DCDC1: variants seen among roughly 807,000 people sequenced by gnomAD.
DCDC1 encodes doublecortin domain containing 1.
DCDC1 carries 200 observed loss-of-function variants against 178.3 expected under a neutral mutation model. That is an observed-to-expected ratio of 1.12 (90% CI 1.00 to 1.26). The LOEUF (loss-of-function observed/expected upper bound fraction) is 1.26. DCDC1 is among the 50% of genes most tolerant of loss of function. The probability of loss-of-function intolerance (pLI) is 0.00; values close to 1 mark genes in which losing one functional copy is unlikely to be tolerated. For missense variants in DCDC1, 1,983 were observed against 1,749.2 expected, an observed-to-expected ratio of 1.13 and a Z score of -2.38; for synonymous variants, 690 against 604.8, an observed-to-expected ratio of 1.14 and a Z score of -2.07.
intron 20 of DCDC1, among the ~76,000 whole-genome samples, chr11:30,972,490 G>A (rs1162605568): frequency 1.3e-5 from 2 of 152,046 alleles, no homozygotes; most frequent in Admixed American, 1.3e-4. Context: ...GGAAACAAGA[G>A]GATGATATCT....
At chr11:31,159,611 G>A (rs927164075) in intron 9 of DCDC1, among the ~76,000 whole-genome samples, 5 of 152,230 alleles carry the variant, frequency 3.3e-5, no homozygotes, top group Admixed American at 1.3e-4. Context: ...CAGGCAGTAA[G>A]TGTGAGCCAA....
intron 20 of DCDC1, among the ~76,000 whole-genome samples, chr11:30,958,177 C>T (rs1193717812): frequency 3.3e-5 from 5 of 152,100 alleles, no homozygotes; most frequent in Admixed American, 3.3e-4. Flanking sequence ...ACCTGCTGAT[C>T]AGAAGCCTCA....
At chr11:30,881,107 G>T in intron 37 of DCDC1, 51 bp downstream of exon 37, 1 of 1,595,006 alleles carries the variant, frequency 6.3e-7, no homozygotes. Flanking sequence ...AGAGAAGATT[G>T]AATGCTTTAA....
rs1377616974 is a variant in DCDC1, at chr11:30,864,372, C to G, written c.*1001G>C. 2 of 152,204 alleles carry G rather than the reference C, an allele frequency of 1.3e-5. No homozygotes were observed. The highest frequency in any genetic ancestry group is 4.8e-5 in the African/African-American group (2 of 41,430). The allele number at this position is 152,204 out of a possible 1,614,324, so 9.4% of individuals were successfully genotyped here. On this transcript the variant is annotated 3_prime_UTR_variant, in exon 39 of 39. Transcript: ENST00000684477. ...AAGGATATAAGATGTCTAGTTTATA[C>G]CATGACATTTCTTTCATTTGCACAA...
chr11:31,160,528 G>T (rs995555924), intron 9 of DCDC1, among the ~76,000 whole-genome samples: 1 of 151,810 alleles, frequency 6.6e-6, no homozygotes, highest in South Asian at 2.1e-4. Context: ...TCATCCCTTT[G>T]CATTAAAAAA....
At chr11:31,044,365 T>C (rs1323940900) in intron 20 of DCDC1, among the ~76,000 whole-genome samples, 5 of 151,028 alleles carry the variant, frequency 3.3e-5, no homozygotes, top group Non-Finnish European at 7.4e-5. Flanking sequence ...TAGTCCCAGC[T>C]GCTCAGGAGG....
At chr11:31,197,970 TTGATA>T (rs746923121) in intron 9 of DCDC1, among the ~76,000 whole-genome samples, 25 of 152,132 alleles carry the variant, frequency 1.6e-4, no homozygotes, top group Non-Finnish European at 2.9e-4. Flanking sequence ...TGAAAACTGG[TTGATA>T]TAAGTGCAAG....
chr11:31,266,329 T>C (rs1339809504), intron 7 of DCDC1, among the ~76,000 whole-genome samples: 2 of 152,128 alleles, frequency 1.3e-5, no homozygotes, highest in Admixed American at 6.5e-5. Flanking sequence ...GTGGCAATTA[T>C]CTTTCCAACT....
At chr11:31,305,113 T>C (rs1948367682) in intron 6 of DCDC1, among the ~76,000 whole-genome samples, 1 of 152,148 alleles carries the variant, frequency 6.6e-6, no homozygotes, top group African/African-American at 2.4e-5. Context: ...CTGGAACATT[T>C]CTTATGAAAT....
chr11:31,088,287 G>T (rs868570907), intron 17 of DCDC1, among the ~76,000 whole-genome samples: 2 of 151,934 alleles, frequency 1.3e-5, no homozygotes, highest in Admixed American at 1.3e-4. Flanking sequence ...ATTAAATGGG[G>T]TGTTTACATT....
intron 27 of DCDC1, among the ~76,000 whole-genome samples, chr11:30,911,981 T>C (rs1369339428): frequency 6.6e-6 from 1 of 152,182 alleles, no homozygotes; most frequent in Non-Finnish European, 1.5e-5. Context: ...AATGGAGTCT[T>C]TAAGAGGTGA....
At chr11:30,958,392 A>G (rs1948891883) in intron 20 of DCDC1, among the ~76,000 whole-genome samples, 1 of 152,164 alleles carries the variant, frequency 6.6e-6, no homozygotes, top group Admixed American at 6.6e-5. Context: ...TTGACCTGAT[A>G]TCACACACAA....
chr11:31,236,991 A>G (rs1976543400), intron 9 of DCDC1, among the ~76,000 whole-genome samples: 1 of 152,028 alleles, frequency 6.6e-6, no homozygotes, highest in African/African-American at 2.4e-5. Context: ...GGATCTGAAA[A>G]GACAAACTTC....
intron 32 of DCDC1, among the ~76,000 whole-genome samples, chr11:30,901,140 C>A (rs1944638451): frequency 6.6e-6 from 1 of 151,984 alleles, no homozygotes; most frequent in Non-Finnish European, 1.5e-5. Flanking sequence ...GTGAGAAATT[C>A]CATAGAAAAT....
intron 1 of DCDC1, among the ~76,000 whole-genome samples, chr11:31,362,023 C>T (rs1394706471): frequency 1.3e-5 from 2 of 152,140 alleles, no homozygotes; most frequent in African/African-American, 2.4e-5. Context: ...CACTTTCCTA[C>T]CTCTTCTTTT....
rs149245940 is a variant in DCDC1 at position 31,053,163 on chromosome 11, A to G, written c.2591+11306T>C. Among the ~76,000 whole-genome samples the G allele has an allele frequency of 4.3e-3, 651 of 152,262 alleles. 1 individual carries two copies. The highest frequency in any genetic ancestry group is 0.015 in the African/African-American group (620 of 41,570). ...CAAAACAAGAGACATTACAACTGAT[A>G]CCACTGAAATACAAGATTGTCCAAG... On this transcript the variant is annotated intron_variant, in intron 20 of 38. Coordinates refer to ENST00000684477, the MANE Select transcript of DCDC1 (RefSeq NM_001387274.1).
chr11:31,116,186 G>A (rs1416152111), intron 11 of DCDC1, among the ~76,000 whole-genome samples: 1 of 151,434 alleles, frequency 6.6e-6, no homozygotes, highest in Non-Finnish European at 1.5e-5. Flanking sequence ...TAAGGGGCAG[G>A]GAAATCTTTA....
At chr11:31,067,772 T>A (rs182943598) in intron 18 of DCDC1, among the ~76,000 whole-genome samples, 1 of 152,062 alleles carries the variant, frequency 6.6e-6, no homozygotes, top group Non-Finnish European at 1.5e-5. Flanking sequence ...TTATGCTAAG[T>A]GAAAAAAATC....
At chr11:31,315,438 G>A (rs1419148974) in intron 3 of DCDC1, among the ~76,000 whole-genome samples, 2 of 141,730 alleles carry the variant, frequency 1.4e-5, no homozygotes, top group Admixed American at 7.6e-5. Context: ...CCAGGTTCAC[G>A]CCATCCTCCT....
Sources: allele counts gnomAD v4.1 joint callset (sites outside exome capture counted in the v4.1 genomes callset), GRCh38; gene constraint gnomAD v4.1.1; transcripts MANE v1.5; gene names NCBI Gene and HGNC (gene_info 2026-07-23, HGNC 2026-07-21).